CELF2: variants seen among roughly 807,000 people sequenced by gnomAD.
The protein encoded by CELF2 is CUGBP Elav-like family member 2.
A neutral mutation model predicts 62.6 loss-of-function variants in CELF2; 8 were observed. The observed-to-expected ratio is 0.13, with a 90% CI of 0.07 to 0.23. CELF2 has a LOEUF of 0.23. CELF2 is among the 10% of genes least tolerant of loss of function. The pLI, the probability that CELF2 is intolerant of heterozygous loss-of-function variation, is 1.00. For synonymous variants in CELF2, 258 were observed against 250.0 expected, an observed-to-expected ratio of 1.03 and a Z score of -0.30; for missense variants, 333 against 671.0, an observed-to-expected ratio of 0.50 and a Z score of 5.56.
chr10:11,056,043 A>C (rs2065165780), intron 1 of CELF2, among the ~76,000 whole-genome samples: 1 of 152,258 alleles, frequency 6.6e-6, no homozygotes, highest in South Asian at 2.1e-4. Context: ...TGTTTTAAAC[A>C]ATTGGTTTCA....
At chr10:10,635,244 T>A in the CELF2 span, among the ~76,000 whole-genome samples, 1 of 152,154 alleles carries the variant, frequency 6.6e-6, no homozygotes, top group Non-Finnish European at 1.5e-5. Flanking sequence ...TTTAATTCAT[T>A]TATTATCCTG....
At chr10:10,912,247 G>A (rs7911687) in intron 1 of CELF2, among the ~76,000 whole-genome samples, 7,998 of 152,162 alleles carry the variant, frequency 0.053, 699 homozygotes, top group African/African-American at 0.18. Flanking sequence ...TACAGCCTCT[G>A]CCACCCTGCT....
the CELF2 span, among the ~76,000 whole-genome samples, chr10:10,538,912 T>A: frequency 6.6e-6 from 1 of 152,246 alleles, no homozygotes; most frequent in African/African-American, 2.4e-5. Context: ...TGTCATCCTT[T>A]GTTTAATTTT....
chr10:10,510,836 C>A, the CELF2 span, among the ~76,000 whole-genome samples: 1 of 152,216 alleles, frequency 6.6e-6, no homozygotes, highest in South Asian at 2.1e-4. Context: ...CTGGAATAAG[C>A]CTTGCAAAGA....
chr10:10,765,430 T>G, the CELF2 span, among the ~76,000 whole-genome samples: 2 of 152,276 alleles, frequency 1.3e-5, no homozygotes, highest in East Asian at 1.9e-4. Flanking sequence ...GCAAAGAGCC[T>G]TGGACCAGGA....
chr10:11,000,392 G>T (rs1046190841), upstream of CELF2, among the ~76,000 whole-genome samples: 28 of 151,958 alleles, frequency 1.8e-4, no homozygotes, highest in African/African-American at 6.0e-4. Flanking sequence ...TGGCTTCTTG[G>T]AGTTCCAAGT....
the CELF2 span, among the ~76,000 whole-genome samples, chr10:10,569,264 C>G: frequency 2.6e-5 from 4 of 152,022 alleles, no homozygotes; most frequent in Non-Finnish European, 5.9e-5. Context: ...GGAGGCCTCA[C>G]AATCATGGGG....
At chr10:11,143,332 C>T (rs143712085) in intron 1 of CELF2, among the ~76,000 whole-genome samples, 173 of 152,280 alleles carry the variant, frequency 1.1e-3, no homozygotes, top group African/African-American at 4.0e-3. Flanking sequence ...TGTTGGAAAT[C>T]GGCAAACCCT....
the CELF2 span, among the ~76,000 whole-genome samples, chr10:10,668,304 G>T: frequency 0.026 from 3,961 of 152,164 alleles, 141 homozygotes; most frequent in Admixed American, 0.083. Flanking sequence ...ACTGCTCTGC[G>T]TTCCCAACCC....
chr10:10,630,067 C>T, the CELF2 span, among the ~76,000 whole-genome samples: 2 of 152,034 alleles, frequency 1.3e-5, no homozygotes, highest in African/African-American at 4.8e-5. Context: ...CAAGACACTC[C>T]ATCTGCTTTT....
intron 8 of CELF2, among the ~76,000 whole-genome samples, chr10:11,276,512 A>G (rs1182431253): frequency 6.6e-6 from 1 of 152,200 alleles, no homozygotes; most frequent in Non-Finnish European, 1.5e-5. Flanking sequence ...GGAGAGAGAG[A>G]AGTAAAATAT....
chr10:10,956,066 G>A lies in CELF2; in HGVS notation c.89+36067G>A, dbSNP rs981995196. 5.9e-5 allele frequency among the ~76,000 whole-genome samples: 9 copies of A among 152,302 alleles called. No individual in the cohort carries two copies. In the South Asian group the frequency reaches 1.9e-3, roughly 32 times the overall value. On this transcript the variant is annotated intron_variant, in intron 2 of 13. Transcript: ENST00000636488. ...AATGGAGAAGAAAGGGCAACCAAGA[G>A]TCCATTTGCCCTGGCTTTTAAATTC...
chr10:11,291,635 CTT>C (rs1565810417), intron 9 of CELF2, among the ~76,000 whole-genome samples: 1 of 152,010 alleles, frequency 6.6e-6, no homozygotes, highest in Non-Finnish European at 1.5e-5. Flanking sequence ...TGTTTCTTGT[CTT>C]TTATTTTGAT....
At chr10:10,625,942 A>G in the CELF2 span, among the ~76,000 whole-genome samples, 4 of 151,732 alleles carry the variant, frequency 2.6e-5, no homozygotes, top group Non-Finnish European at 5.9e-5. Flanking sequence ...AAAAATACCA[A>G]GTTGTCTGCG....
chr10:11,105,171 A>C (rs1241497079), intron 1 of CELF2, among the ~76,000 whole-genome samples: 2 of 152,236 alleles, frequency 1.3e-5, no homozygotes, highest in Admixed American at 6.5e-5. Context: ...TCACTAAACG[A>C]AAAACAAATA....
At chr10:11,130,044 A>G (rs1297162501) in intron 1 of CELF2, among the ~76,000 whole-genome samples, 1 of 152,190 alleles carries the variant, frequency 6.6e-6, no homozygotes, top group Non-Finnish European at 1.5e-5. Flanking sequence ...ACTGCTTTAA[A>G]TGTGTCCCAG....
intron 5 of CELF2, 136 bp downstream of exon 5, chr10:11,258,008 T>C: frequency 1.0e-6 from 1 of 1,002,256 alleles, no homozygotes; most frequent in Non-Finnish European, 1.4e-6. Context: ...TTATCCAACC[T>C]GAACTTTTCA....
chr10:10,604,668 A>T, the CELF2 span, among the ~76,000 whole-genome samples: 2 of 152,028 alleles, frequency 1.3e-5, no homozygotes, highest in African/African-American at 4.8e-5. Context: ...CTAATCAGTG[A>T]GCAGCCCAGA....
At chr10:10,473,543 G>A in the CELF2 span, among the ~76,000 whole-genome samples, 6 of 151,966 alleles carry the variant, frequency 3.9e-5, no homozygotes, top group South Asian at 2.1e-4. Flanking sequence ...AGACAGTCAC[G>A]CCTTTTAAAT....
Sources: allele counts gnomAD v4.1 joint callset (sites outside exome capture counted in the v4.1 genomes callset), GRCh38; gene constraint gnomAD v4.1.1; transcripts MANE v1.5; gene names NCBI Gene and HGNC (gene_info 2026-07-23, HGNC 2026-07-21).